Variants in DOC2B observed in about 807,000 individuals in gnomAD.
The protein encoded by DOC2B is double C2-like domain-containing protein beta.
In DOC2B, 21 loss-of-function variants were observed where a neutral mutation model predicts 28.9. The ratio of observed to expected loss-of-function variants is 0.73; its 90% CI spans 0.52 to 1.05. DOC2B has a LOEUF of 1.05. Among genes scored for constraint, DOC2B ranks in the 50% least tolerant of loss-of-function variants. The probability of loss-of-function intolerance (pLI) is 0.00; values close to 1 mark genes in which losing one functional copy is unlikely to be tolerated. For missense variants in DOC2B, 384 were observed against 421.1 expected (o/e 0.91, Z 0.77); for synonymous variants, 194 against 178.1 (o/e 1.09, Z -0.71).
intron 2 of DOC2B, 83 bp downstream of exon 2, chr17:172,454 A>C: frequency 9.2e-7 from 1 of 1,086,686 alleles, no homozygotes; most frequent in Non-Finnish European, 1.3e-6. Context: ...GAACCTGGGG[A>C]GTGGTGTGGT....
At chr17:174,131 G>A (rs976623468) in intron 1 of DOC2B, among the ~76,000 whole-genome samples, 4 of 152,190 alleles carry the variant, frequency 2.6e-5, no homozygotes, top group African/African-American at 9.7e-5. Context: ...ATTCTGAGCT[G>A]GTGATGGGAG....
chr17:144,446 G>A lies in DOC2B; in HGVS notation c.*2995C>T, dbSNP rs2040006077. 1 of 152,164 alleles carries A rather than the reference G, an allele frequency of 6.6e-6. No homozygotes were observed. The highest frequency in any genetic ancestry group is 2.1e-4 in the South Asian group (1 of 4,836). The allele number at this position is 152,164 out of a possible 1,614,324, so 9.4% of individuals were successfully genotyped here. On this transcript the variant is annotated 3_prime_UTR_variant, in exon 9 of 9. Coordinates refer to ENST00000613549, the MANE Select transcript of DOC2B (RefSeq NM_003585.5). ...GGCTAATTTTTGTATTTTTAGTAGA[G>A]ATGGGGTTTCGCCCTGTTGGCCAGG...
At chr17:149,216 G>T in intron 6 of DOC2B, 24 bp from the exon 7 acceptor site, 1 of 399,598 alleles carries the variant, frequency 2.5e-6, no homozygotes, top group Non-Finnish European at 4.4e-6. Flanking sequence ...CAACGGACAG[G>T]CAGAGGATGG....
At chr17:160,757 C>T (rs1555523125) in intron 5 of DOC2B, among the ~76,000 whole-genome samples, 1 of 152,128 alleles carries the variant, frequency 6.6e-6, no homozygotes, top group African/African-American at 2.4e-5. Flanking sequence ...ACATAGAGAC[C>T]AAGACTCAGA....
At position 147,392 on chromosome 17, in the gene DOC2B, G is replaced by A. The variant is rs969662517; in HGVS notation, c.*49C>T. 17 of 398,584 alleles carry A rather than the reference G, an allele frequency of 4.3e-5. No homozygotes were observed. In the East Asian group the frequency reaches 5.0e-4, roughly 12 times the overall value. The allele number at this position is 398,584 out of a possible 1,614,324, so 24.7% of individuals were successfully genotyped here. A position where few individuals can be genotyped will look rare whatever the true frequency, so the allele number is the denominator to read the frequency against. ...GTGGCTGCTGGGGAAGCCCGGGGCC[G>A]GCCGTGCTGGGCGCAGGTGGCGGCA... On this transcript the variant is annotated 3_prime_UTR_variant, in exon 9 of 9. Transcript: ENST00000613549.
At chr17:162,000 C>G (rs1555523308) in intron 4 of DOC2B, 81 bp downstream of exon 4, 7 of 1,018,910 alleles carry the variant, frequency 6.9e-6, no homozygotes, top group Non-Finnish European at 9.0e-6. Context: ...CCATCTGACC[C>G]TCCAGTCCTG....
intron 5 of DOC2B, among the ~76,000 whole-genome samples, 178 bp from the exon 6 acceptor site, chr17:156,555 C>T (rs1210100867): frequency 6.6e-6 from 1 of 152,228 alleles, no homozygotes; most frequent in Non-Finnish European, 1.5e-5. Flanking sequence ...CTCCCAAGGG[C>T]TCTTCCAGGG....
At chr17:153,410 G>A (rs1555522004) in intron 6 of DOC2B, among the ~76,000 whole-genome samples, 2 of 152,254 alleles carry the variant, frequency 1.3e-5, no homozygotes, top group African/African-American at 2.4e-5. Context: ...GTTTAAAAAT[G>A]TCACACCATA....
intron 2 of DOC2B, among the ~76,000 whole-genome samples, chr17:166,324 C>A (rs1269310002): frequency 2.0e-5 from 3 of 152,278 alleles, no homozygotes; most frequent in Non-Finnish European, 4.4e-5. Flanking sequence ...TGGCCTCCCA[C>A]GGAGCCTGAC....
At chr17:178,911 G>A (rs1283318435) in intron 1 of DOC2B, among the ~76,000 whole-genome samples, 1 of 152,196 alleles carries the variant, frequency 6.6e-6, no homozygotes, top group African/African-American at 2.4e-5. Context: ...AGCCCAGAGG[G>A]GGGCACCGCC....
At chr17:159,618 A>G (rs2040176139) in intron 5 of DOC2B, among the ~76,000 whole-genome samples, 1 of 152,140 alleles carries the variant, frequency 6.6e-6, no homozygotes, top group African/African-American at 2.4e-5. Flanking sequence ...AGCAAGACTC[A>G]GTCTCAAAAA....
At chr17:164,315 C>A in intron 2 of DOC2B, 111 bp from the exon 3 acceptor site, 1 of 825,486 alleles carries the variant, frequency 1.2e-6, no homozygotes, top group Non-Finnish European at 2.0e-6. Context: ...TTCATGGCCC[C>A]TTTCACAGAA....
At chr17:157,718 A>G (rs1307668921) in intron 5 of DOC2B, among the ~76,000 whole-genome samples, 1 of 152,176 alleles carries the variant, frequency 6.6e-6, no homozygotes, top group Non-Finnish European at 1.5e-5. Flanking sequence ...TGCTGGGATT[A>G]CAGGTATGAG....
At position 156,354 on chromosome 17, in the gene DOC2B, G is replaced by T; in HGVS notation, c.789C>A (p.Ser263=). ...QLPVDKTEDK[S]LEERGRILIS... ...TGAGGATGCGGCCCCGCTCCTCCAG[G>T]GACTTGTCTTCAGTCTTGTCCACCT... Residue 263 remains serine (S), a synonymous_variant, in exon 6 of 9, where the codon TCC becomes TCA. Coordinates refer to ENST00000613549, the MANE Select transcript of DOC2B (RefSeq NM_003585.5). 1 of 1,551,462 alleles carries T rather than the reference G, an allele frequency of 6.4e-7. No homozygotes were observed. Among genetic ancestry groups the T allele is most frequent in the Non-Finnish European group, 8.7e-7 (1 of 1,146,940 alleles).
intron 2 of DOC2B, among the ~76,000 whole-genome samples, chr17:171,862 CACCAGGGGCCGGGCCAGGCTGCAGAGGGG>C: frequency 1.2e-3 from 20 of 16,220 alleles, no homozygotes; most frequent in Non-Finnish European, 1.6e-3. Context: ...GAGGGGAGAG[CACCAGGGGCCGGGCCAGGCTGCAGAGGGG>C]AGCACCAGGG....
chr17:176,400 T>A (rs1008715744), intron 1 of DOC2B, among the ~76,000 whole-genome samples: 7 of 124,906 alleles, frequency 5.6e-5, no homozygotes, highest in African/African-American at 2.0e-4. Context: ...GTGCGGGGGG[T>A]GCGGGGGGGT....
At chr17:156,472 TGCAGCCGG>T in intron 5 of DOC2B, 95 bp from the exon 6 acceptor site, 2 of 1,395,888 alleles carry the variant, frequency 1.4e-6, no homozygotes, top group Non-Finnish European at 1.9e-6. Context: ...ATCCGGCTGC[TGCAGCCGG>T]GCCTGGTCAC....
rs2151480206 is a variant in DOC2B at position 181,488 on chromosome 17, C to G, written c.-9G>C. ...CGCCGCCGGAGGGTCATGCAGGCAG[C>G]GCCGCCCCGCCCCGGGCGCGGCCCG... On this transcript the variant is annotated 5_prime_UTR_variant, in exon 1 of 9. Coordinates refer to ENST00000613549, the MANE Select transcript of DOC2B (RefSeq NM_003585.5). This position sits in a 1 kb window ranked among gnomAD's most constrained non-coding sequence, Gnocchi z 7.0. 1 of 1,025,614 alleles carries G rather than the reference C, an allele frequency of 9.8e-7. No homozygotes were observed. The highest frequency in any genetic ancestry group is 1.2e-6 in the Non-Finnish European group (1 of 858,548). 63.5% of individuals were successfully genotyped at this position (1,025,614 alleles called of 1,614,324 possible).
intron 1 of DOC2B, among the ~76,000 whole-genome samples, chr17:177,875 C>T (rs992627793): frequency 6.6e-6 from 1 of 152,276 alleles, no homozygotes; most frequent in Non-Finnish European, 1.5e-5. Context: ...GGACTCAACC[C>T]CTTGTCCTTG....
Sources: allele counts gnomAD v4.1 joint callset (sites outside exome capture counted in the v4.1 genomes callset), GRCh38; gene constraint gnomAD v4.1.1; non-coding constraint Gnocchi (gnomAD v3.1); transcripts MANE v1.5; gene names NCBI Gene and HGNC (gene_info 2026-07-23, HGNC 2026-07-21).